GPR153: variants seen among roughly 807,000 people sequenced by gnomAD.
The protein encoded by GPR153 is probable G protein-coupled receptor 153.
Under a neutral mutation model 34.1 loss-of-function variants are expected in GPR153, and 27 were observed. The observed-to-expected ratio is 0.79, with a 90% CI of 0.58 to 1.09. The LOEUF (loss-of-function observed/expected upper bound fraction) is 1.09, where lower values mean the gene tolerates loss of function less well. GPR153 is among the 50% of genes least tolerant of loss of function. The pLI is 0.00. For missense variants in GPR153, 848 were observed against 860.2 expected (o/e 0.99, Z 0.18); for synonymous variants, 408 against 405.4 (o/e 1.01, Z -0.08).
In GPR153 at chr1:6,251,320, C is replaced by T. The variant is rs200638460; in HGVS notation, c.979+18G>A. On this transcript the variant is annotated intron_variant, in intron 4 of 5. Coordinates refer to ENST00000377893, the MANE Select transcript of GPR153 (RefSeq NM_207370.4). The surrounding 1 kb of genome is among the most constrained non-coding windows in gnomAD (Gnocchi z 4.9). ...CTAGACGCCACTCTCCCTGGGGCCACTCTCAGGCCATCCTCACCATCGTCT... is the reference window on the plus strand; with the variant it reads ...CTAGACGCCACTCTCCCTGGGGCCATTCTCAGGCCATCCTCACCATCGTCT... 1.2e-3 allele frequency: 1,975 copies of T among 1,585,122 alleles called. 5 individuals carry two copies. Among genetic ancestry groups the T allele is most frequent in the Non-Finnish European group, 1.4e-3 (1,676 of 1,162,234 alleles).
At position 6,260,938 on chromosome 1, in the gene GPR153, G is replaced by A. The variant is rs1369675094; in HGVS notation, c.-223C>T. 7 of 146,346 alleles carry A rather than the reference G, an allele frequency of 4.8e-5. No homozygotes were observed. Among genetic ancestry groups the A allele is most frequent in the Non-Finnish European group, 1.1e-4 (7 of 65,940 alleles). 9.1% of individuals were successfully genotyped at this position (146,346 alleles called of 1,614,324 possible). ...GCCGAGGGCCGCGGGGGTGGCTGGC[G>A]GCGGAGCGGCCCGCGGGCCGGGGCA... On this transcript the variant is annotated 5_prime_UTR_variant, in exon 1 of 6. Transcript: ENST00000377893.
Position 6,248,635 on chromosome 1 carries a change from A to G in GPR153, c.*703T>C, listed in dbSNP as rs12744452. On this transcript the variant is annotated 3_prime_UTR_variant, in exon 6 of 6. Coordinates refer to ENST00000377893, the MANE Select transcript of GPR153 (RefSeq NM_207370.4). ...GGAGCCACACCAGGCCACATGCTGA[A>G]AACGGACCTCCACAAAGGCCGCAGA... The G allele has an allele frequency of 0.63, 96,079 of 152,128 alleles. 31,540 individuals carry two copies. Among genetic ancestry groups the G allele is most frequent in the Admixed American group, 0.74 (11,289 of 15,282 alleles). 9.4% of individuals were successfully genotyped at this position (152,128 alleles called of 1,614,324 possible).
In GPR153 at chr1:6,249,964, C is replaced by G. The variant is rs78132938; in HGVS notation, c.1204G>C (p.Val402Leu). The G allele has an allele frequency of 7.8e-7, 1 of 1,279,742 alleles. No homozygotes were observed. The highest frequency in any genetic ancestry group is 1.5e-5 in the African/African-American group (1 of 64,680). The allele number at this position is 1,279,742 out of a possible 1,614,324, so 79.3% of individuals were successfully genotyped here. A position where few individuals can be genotyped will look rare whatever the true frequency, so the allele number is the denominator to read the frequency against. Residue 402 changes from valine to leucine, a missense_variant, in exon 6 of 6, where the codon GTG (valine) becomes CTG (leucine). Coordinates refer to ENST00000377893, the MANE Select transcript of GPR153 (RefSeq NM_207370.4). The surrounding 1 kb of genome is among the most constrained non-coding windows in gnomAD (Gnocchi z 4.3). The stretch of plus-strand genomic sequence containing the variant: ...GCGGGCAGCGGGACGGCGGCCCACA[C>G]GTCCGCATCGTCGTGGGAGAAGCGC... ...TRRFSHDDADVWAAVPLPAFL... is the reference protein window; with the variant it reads ...TRRFSHDDADLWAAVPLPAFL...
At position 6,249,962 on chromosome 1, in the gene GPR153, C is replaced by T. The variant is rs933507170; in HGVS notation, c.1206G>A (p.Val402=). Residue 402 remains valine (V), a synonymous_variant, in exon 6 of 6, where the codon GTG becomes GTA. Transcript: ENST00000377893. The surrounding 1 kb of genome is among the most constrained non-coding windows in gnomAD (Gnocchi z 4.3). ...AGGCGGGCAGCGGGACGGCGGCCCA[C>T]ACGTCCGCATCGTCGTGGGAGAAGC... ...TRRFSHDDAD[V]WAAVPLPAFL... The T allele has an allele frequency of 4.9e-5, 63 of 1,282,966 alleles. No individual in the cohort carries two copies. The African/African-American group carries it at 6.3e-4, about 13-fold the overall frequency. The allele number at this position is 1,282,966 out of a possible 1,614,324, so 79.5% of individuals were successfully genotyped here. A position where few individuals can be genotyped will look rare whatever the true frequency, so the allele number is the denominator to read the frequency against.
chr1:6,257,942 C>T (rs1395278020), intron 1 of GPR153, among the ~76,000 whole-genome samples: 1 of 152,238 alleles, frequency 6.6e-6, no homozygotes. Context: ...GCCATTTAGC[C>T]TCATTTGCTC....
intron 2 of GPR153, 45 bp downstream of exon 2, chr1:6,254,505 A>G (rs1638519560): frequency 2.0e-6 from 3 of 1,470,838 alleles, no homozygotes; most frequent in Non-Finnish European, 1.8e-6. Flanking sequence ...CTTTGTTTTC[A>G]CGCCTGCTTA....
intron 3 of GPR153, among the ~76,000 whole-genome samples, chr1:6,252,358 C>T (rs1008648572): frequency 6.6e-6 from 1 of 152,160 alleles, no homozygotes; most frequent in Non-Finnish European, 1.5e-5. Context: ...CCCTCTTCCC[C>T]GTCCGTAAGA....
At chr1:6,260,521 T>G (rs571164454) in intron 1 of GPR153, among the ~76,000 whole-genome samples, 154 of 151,374 alleles carry the variant, frequency 1.0e-3, no homozygotes, top group Non-Finnish European at 5.5e-4. Context: ...CCCGGACCCC[T>G]CTGGGTTGCG....
chr1:6,249,631 G>C lies in GPR153; in HGVS notation c.1537C>G (p.Gln513Glu), dbSNP rs1288696639. The C allele has an allele frequency of 3.6e-6, 4 of 1,105,364 alleles. No homozygotes were observed. The highest frequency in any genetic ancestry group is 4.4e-6 in the Non-Finnish European group (4 of 908,282). The allele number at this position is 1,105,364 out of a possible 1,614,324, so 68.5% of individuals were successfully genotyped here. Residue 513 changes from glutamine (Q) to glutamate (E), a missense_variant, in exon 6 of 6, where the codon CAG becomes GAG. By Grantham distance (29) the Gln-to-Glu change is conservative. Coordinates refer to ENST00000377893, the MANE Select transcript of GPR153 (RefSeq NM_207370.4). The surrounding 1 kb of genome is among the most constrained non-coding windows in gnomAD (Gnocchi z 4.3). ...FALTAFECEP[Q>E]ALRRPPGPFP... Reference sequence around the variant, plus strand: ...GGCCCGGGCGGGCGGCGCAGGGCCTGTGGCTCGCACTCGAAGGCGGTCAGG... The same window carrying C: ...GGCCCGGGCGGGCGGCGCAGGGCCTCTGGCTCGCACTCGAAGGCGGTCAGG...
Position 6,249,132 on chromosome 1 carries a change from GC to G in GPR153, c.*205del. On this transcript the variant is annotated 3_prime_UTR_variant, in exon 6 of 6. Coordinates refer to ENST00000377893, the MANE Select transcript of GPR153 (RefSeq NM_207370.4). This position sits in a 1 kb window ranked among gnomAD's most constrained non-coding sequence, Gnocchi z 4.3. ...CCTCACTCGGCCCGGGACATGCGGT[GC>G]CCAGCGCAGTCGTCCGGGGCAGCCG... The G allele has an allele frequency of 2.5e-6, 1 of 393,690 alleles. No homozygotes were observed. Among genetic ancestry groups the G allele is most frequent in the Non-Finnish European group, 4.4e-6 (1 of 226,854 alleles). 24.4% of individuals were successfully genotyped at this position (393,690 alleles called of 1,614,324 possible).
Position 6,253,758 on chromosome 1 carries a change from A to T in GPR153, c.746T>A (p.Ile249Lys). ...SLQTTGLVTT[I>K]VFIYDCLMGF... ...CATGAGGCAGTCGTAGATGAAGACT[A>T]TGGTGGTCACGAGGCCCGTGGTCTG... is the stretch of plus-strand genomic sequence containing the variant. Residue 249 changes from isoleucine (I) to lysine (K), a missense_variant, in exon 3 of 6, where the codon ATA (isoleucine) becomes AAA (lysine). By Grantham distance (102) the Ile-to-Lys change is moderately radical. Coordinates refer to ENST00000377893, the MANE Select transcript of GPR153 (RefSeq NM_207370.4). The T allele has an allele frequency of 1.9e-6, 3 of 1,540,832 alleles. No homozygotes were observed. The highest frequency in any genetic ancestry group is 2.6e-6 in the Non-Finnish European group (3 of 1,142,518).
chr1:6,253,765 T>A lies in GPR153; in HGVS notation c.739A>T (p.Thr247Ser). 6.5e-7 allele frequency: 1 copy of A among 1,542,438 alleles called. No individual in the cohort carries two copies. Among genetic ancestry groups the A allele is most frequent in the South Asian group, 1.3e-5 (1 of 79,366 alleles). Residue 247 changes from threonine to serine, a missense_variant, in exon 3 of 6, where the codon ACC (threonine) becomes TCC (serine). By Grantham distance (58) the Thr-to-Ser change is moderately conservative (BLOSUM62 1). Coordinates refer to ENST00000377893, the MANE Select transcript of GPR153 (RefSeq NM_207370.4). ...KTSLQTTGLV[T>S]TIVFIYDCLM... ...CAGTCGTAGATGAAGACTATGGTGG[T>A]CACGAGGCCCGTGGTCTGCAGAGAG...
chr1:6,256,389 TAGAC>T (rs1638569944), intron 1 of GPR153, among the ~76,000 whole-genome samples: 1 of 150,422 alleles, frequency 6.6e-6, no homozygotes, highest in Non-Finnish European at 1.5e-5. Flanking sequence ...TTTTTTTTTT[TAGAC>T]AGAGTCTTGC....
Position 6,249,190 on chromosome 1 carries a change from C to G in GPR153, c.*148G>C. 1.8e-6 allele frequency: 1 copy of G among 555,020 alleles called. No individual in the cohort carries two copies. The highest frequency in any genetic ancestry group is 2.7e-6 in the Non-Finnish European group (1 of 372,614). The allele number at this position is 555,020 out of a possible 1,614,324, so 34.4% of individuals were successfully genotyped here. ...CTGGGACAAGGCCAGCTGGGAGGAG[C>G]CGGAAGACAAACGCTGAGGCCAACG... is the stretch of plus-strand genomic sequence containing the variant. On this transcript the variant is annotated 3_prime_UTR_variant, in exon 6 of 6. Coordinates refer to ENST00000377893, the MANE Select transcript of GPR153 (RefSeq NM_207370.4). This position sits in a 1 kb window ranked among gnomAD's most constrained non-coding sequence, Gnocchi z 4.3.
At chr1:6,255,768 T>C (rs1330883783) in intron 1 of GPR153, among the ~76,000 whole-genome samples, 6 of 145,896 alleles carry the variant, frequency 4.1e-5, no homozygotes, top group African/African-American at 7.5e-5. Flanking sequence ...TTCTCCGGCC[T>C]CAGCCTCCTG....
intron 1 of GPR153, among the ~76,000 whole-genome samples, chr1:6,260,517 C>A (rs1158761696): frequency 2.6e-5 from 4 of 152,004 alleles, no homozygotes; most frequent in African/African-American, 9.6e-5. Flanking sequence ...GGCCCCCGGA[C>A]CCCTCTGGGT....
Position 6,250,480 on chromosome 1 carries a change from G to T in GPR153, c.1124C>A (p.Pro375Gln). 6.2e-7 allele frequency: 1 copy of T among 1,609,778 alleles called. No individual in the cohort carries two copies. Among genetic ancestry groups the T allele is most frequent in the East Asian group, 2.2e-5 (1 of 44,756 alleles). The change falls in exon 5 of 6, where the codon CCA (proline) becomes CAA (glutamine). Residue 375 changes from proline (P) to glutamine (Q), a missense_variant. Transcript: ENST00000377893. ...ALEGGLPQLYPLRPLQEDKMQ... is the reference protein window; with the variant it reads ...ALEGGLPQLYQLRPLQEDKMQ... ...CTTGTCCTCCTGCAAGGGCCGCAGT[G>T]GGTAGAGCTGGGGCAGGCCCCCCTC...
Position 6,251,210 on chromosome 1 carries a change from C to G in GPR153, c.979+128G>C. 1.3e-6 allele frequency: 1 copy of G among 747,748 alleles called. No individual in the cohort carries two copies. The highest frequency in any genetic ancestry group is 2.5e-5 in the Admixed American group (1 of 39,984). 46.3% of individuals were successfully genotyped at this position (747,748 alleles called of 1,614,324 possible). A position where few individuals can be genotyped will look rare whatever the true frequency, so the allele number is the denominator to read the frequency against. ...CATTCAAGTACATTTGGGGGTGACA[C>G]GGGGTGTCTGGTGGTTGAGAATGAA... is the stretch of plus-strand genomic sequence containing the variant. On this transcript the variant is annotated intron_variant, in intron 4 of 5. Transcript: ENST00000377893. This position sits in a 1 kb window ranked among gnomAD's most constrained non-coding sequence, Gnocchi z 4.9.
rs143403019 is a variant in GPR153, at chr1:6,251,342, G to A, written c.975C>T (p.Asp325=). Residue 325 remains aspartate (D), a synonymous_variant, in exon 4 of 6, where the codon GAC becomes GAT. Coordinates refer to ENST00000377893, the MANE Select transcript of GPR153 (RefSeq NM_207370.4). The surrounding 1 kb of genome is among the most constrained non-coding windows in gnomAD (Gnocchi z 4.9). ...MALMANDEES[D]DETSLEGGIS... is the part of the protein sequence containing the mutation. ...CCACTCTCAGGCCATCCTCACCATC[G>A]TCTGACTCCTCGTCGTTGGCCATGA... 2.1e-5 allele frequency: 34 copies of A among 1,602,992 alleles called. 1 individual carries two copies. Among genetic ancestry groups the A allele is most frequent in the African/African-American group, 4.0e-5 (3 of 74,770 alleles).
Sources: allele counts gnomAD v4.1 joint callset (sites outside exome capture counted in the v4.1 genomes callset), GRCh38; gene constraint gnomAD v4.1.1; non-coding constraint Gnocchi (gnomAD v3.1); transcripts MANE v1.5; gene names NCBI Gene and HGNC (gene_info 2026-07-23, HGNC 2026-07-21).